The following CPA4 variants were observed in gnomAD, a reference collection of about 807,000 sequenced individuals.
The protein encoded by CPA4 is carboxypeptidase A3.
CPA4 carries 49 observed loss-of-function variants against 54.7 expected under a neutral mutation model. That is an observed-to-expected ratio of 0.90 (90% confidence interval 0.71 to 1.14). The LOEUF (loss-of-function observed/expected upper bound fraction) is 1.14. Ranked by LOEUF, CPA4 falls within the 50% of genes most tolerant of loss-of-function variation. CPA4 has a pLI of 0.00. For synonymous variants in CPA4, 215 were observed against 206.8 expected, an observed-to-expected ratio of 1.04 and a Z score of -0.34; for missense variants, 487 against 525.1, an observed-to-expected ratio of 0.93 and a Z score of 0.71.
At chr7:130,301,617 C>T (rs1793739279) in intron 4 of CPA4, among the ~76,000 whole-genome samples, 1 of 152,114 alleles carries the variant, frequency 6.6e-6, no homozygotes, top group African/African-American at 2.4e-5. Flanking sequence ...TTAGTATTCC[C>T]CCTGGTGTAC....
intron 10 of CPA4, among the ~76,000 whole-genome samples, chr7:130,315,109 G>C (rs552663114): frequency 1.3e-5 from 2 of 151,702 alleles, no homozygotes; most frequent in African/African-American, 2.4e-5. Context: ...TAGGTGTGAG[G>C]GGGGGAATTG....
intron 4 of CPA4, among the ~76,000 whole-genome samples, chr7:130,303,731 C>T (rs1009026084): frequency 6.6e-6 from 1 of 151,582 alleles, no homozygotes; most frequent in Non-Finnish European, 1.5e-5. Flanking sequence ...CAGGCTTGAA[C>T]AATTCTCCCA....
intron 1 of CPA4, among the ~76,000 whole-genome samples, chr7:130,296,263 G>A (rs1173866357): frequency 2.0e-5 from 3 of 152,142 alleles, no homozygotes; most frequent in Non-Finnish European, 4.4e-5. Flanking sequence ...CAGATGGAAC[G>A]GGCTTCACTC....
chr7:130,304,468 C>G lies in CPA4; in HGVS notation c.385-10C>G. 1 of 1,549,936 alleles carries G rather than the reference C, an allele frequency of 6.5e-7. No homozygotes were observed. The highest frequency in any genetic ancestry group is 1.4e-5 in the African/African-American group (1 of 73,810). The stretch of plus-strand genomic sequence containing the variant: ...TAAAATGTCCCTGGATTCACTCTTT[C>G]ATGCTTCAGATTTACCACGAGATGG... On this transcript the variant is annotated splice_polypyrimidine_tract_variant and intron_variant, in intron 4 of 10. Coordinates refer to ENST00000222482, the MANE Select transcript of CPA4 (RefSeq NM_016352.4).
intron 4 of CPA4, among the ~76,000 whole-genome samples, chr7:130,301,952 G>A (rs574170695): frequency 2.2e-4 from 34 of 152,246 alleles, no homozygotes; most frequent in Non-Finnish European, 4.7e-4. Context: ...TGGGGCCCTC[G>A]CCAGCTGAGC....
At chr7:130,307,504 T>A (rs6467296) in intron 7 of CPA4, among the ~76,000 whole-genome samples, 1 of 151,474 alleles carries the variant, frequency 6.6e-6, no homozygotes, top group Admixed American at 6.6e-5. Flanking sequence ...TGGTGGTGGG[T>A]GCCTGTAGTC....
intron 4 of CPA4, among the ~76,000 whole-genome samples, chr7:130,303,777 C>T (rs1418241658): frequency 3.4e-5 from 5 of 148,194 alleles, no homozygotes; most frequent in African/African-American, 1.2e-4. Flanking sequence ...CACAGATACA[C>T]GCCACCGCAG....
intron 4 of CPA4, among the ~76,000 whole-genome samples, chr7:130,301,402 T>C (rs1439880016): frequency 6.6e-6 from 1 of 152,230 alleles, no homozygotes; most frequent in Non-Finnish European, 1.5e-5. Flanking sequence ...CCACTTGATA[T>C]AGATGGCTGA....
In CPA4 at chr7:130,306,530, G is replaced by A. The variant is rs192476193; in HGVS notation, c.592-257G>A. 7.0e-4 allele frequency among the ~76,000 whole-genome samples: 107 copies of A among 152,266 alleles called. 2 individuals carry two copies. The highest frequency in any genetic ancestry group is 3.7e-4 in the Non-Finnish European group (25 of 68,020). On this transcript the variant is annotated intron_variant, in intron 6 of 10. Coordinates refer to ENST00000222482, the MANE Select transcript of CPA4 (RefSeq NM_016352.4). ...CTCCTGGAAGGAAGGAATAAAGCAC[G>A]TACCCCAGGACTCACTGCAGTTGAT...
rs1397563337 is a variant in CPA4 at position 130,323,937 on chromosome 7, T to TGTGTGTGTGTGTGTG, written c.*1261_*1262insGTGTGTGTGTGTGTG. ...TGTGTGTGTGTGTGTGTGTGTGTGT[T>TGTGTGTGTGTGTGTG]TGTGTGTGTGTGTCTGTCTATTTTG... is the stretch of plus-strand genomic sequence containing the variant. On this transcript the variant is annotated 3_prime_UTR_variant, in exon 11 of 11. Transcript: ENST00000222482. 2.0e-5 allele frequency: 2 copies of TGTGTGTGTGTGTGTG among 98,098 alleles called. No homozygotes were observed. The highest frequency in any genetic ancestry group is 4.5e-5 in the Non-Finnish European group (2 of 44,542). The allele number at this position is 98,098 out of a possible 1,614,324, so 6.1% of individuals were successfully genotyped here.
chr7:130,298,651 TG>T (rs1426591386), intron 1 of CPA4, 94 bp from the exon 2 acceptor site: 24 of 739,802 alleles, frequency 3.2e-5, no homozygotes, highest in Non-Finnish European at 5.3e-5. Context: ...TCTTTTGGCC[TG>T]GTTACGTCTG....
In CPA4 at chr7:130,310,340, C is replaced by T. The variant is rs980940459; in HGVS notation, c.794-447C>T. On this transcript the variant is annotated intron_variant, in intron 8 of 10. Coordinates refer to ENST00000222482, the MANE Select transcript of CPA4 (RefSeq NM_016352.4). The surrounding 1 kb of genome is among the most constrained non-coding windows in gnomAD (Gnocchi z 4.3). ...ATACAGAAGGCAGTGTTTCTAAATA[C>T]CTGTCAAATAATCAAGAGATTTTAG... Among the ~76,000 whole-genome samples, 1 of 152,164 alleles carries T rather than the reference C, an allele frequency of 6.6e-6. No individual in the cohort carries two copies. The highest frequency in any genetic ancestry group is 1.9e-4 in the East Asian group (1 of 5,204).
At chr7:130,296,673 C>A (rs2117130175) in intron 1 of CPA4, among the ~76,000 whole-genome samples, 1 of 126,006 alleles carries the variant, frequency 7.9e-6, no homozygotes, top group East Asian at 2.4e-4. Flanking sequence ...CTAGCAGCTC[C>A]CCTCACTTTT....
intron 9 of CPA4, 114 bp from the exon 10 acceptor site, chr7:130,311,924 G>C: frequency 1.3e-6 from 1 of 769,026 alleles, no homozygotes; most frequent in South Asian, 1.6e-5. Context: ...CAAGGGACCA[G>C]AAAGGAAATC....
intron 10 of CPA4, among the ~76,000 whole-genome samples, chr7:130,315,108 G>T (rs1026748121): frequency 1.6e-4 from 24 of 151,728 alleles, no homozygotes; most frequent in African/African-American, 5.3e-4. Flanking sequence ...TTAGGTGTGA[G>T]GGGGGGAATT....
intron 1 of CPA4, among the ~76,000 whole-genome samples, chr7:130,296,656 G>C (rs1793652610): frequency 7.6e-6 from 1 of 131,428 alleles, no homozygotes; most frequent in Non-Finnish European, 1.6e-5. Flanking sequence ...CACCACACAA[G>C]ATCTTTCTAG....
At chr7:130,307,224 A>G (rs1793835886) in intron 7 of CPA4, among the ~76,000 whole-genome samples, 1 of 149,290 alleles carries the variant, frequency 6.7e-6, no homozygotes, top group Non-Finnish European at 1.5e-5. Context: ...TTTAGTACGC[A>G]TCTCTAACTG....
At position 130,323,690 on chromosome 7, in the gene CPA4, G is replaced by A. The variant is rs1328538566; in HGVS notation, c.*1014G>A. 3 of 152,266 alleles carry A rather than the reference G, an allele frequency of 2.0e-5. No homozygotes were observed. Among genetic ancestry groups the A allele is most frequent in the African/African-American group, 7.2e-5 (3 of 41,552 alleles). 9.4% of individuals were successfully genotyped at this position (152,266 alleles called of 1,614,324 possible). A position where few individuals can be genotyped will look rare whatever the true frequency, so the allele number is the denominator to read the frequency against. ...GTAGGTACTGTGCCCAGGAAGGCTGGGTGAAGTGACCATCTAAATTGCAGG... is the reference window on the plus strand; with the variant it reads ...GTAGGTACTGTGCCCAGGAAGGCTGAGTGAAGTGACCATCTAAATTGCAGG... On this transcript the variant is annotated 3_prime_UTR_variant, in exon 11 of 11. Transcript: ENST00000222482.
intron 4 of CPA4, among the ~76,000 whole-genome samples, chr7:130,301,911 G>T (rs2117138055): frequency 6.6e-6 from 1 of 152,296 alleles, no homozygotes; most frequent in Middle Eastern, 3.4e-3. Flanking sequence ...CCCACACAGG[G>T]ATCAAGCCCA....
Sources: allele counts gnomAD v4.1 joint callset (sites outside exome capture counted in the v4.1 genomes callset), GRCh38; gene constraint gnomAD v4.1.1; non-coding constraint Gnocchi (gnomAD v3.1); transcripts MANE v1.5; gene names NCBI Gene and HGNC (gene_info 2026-07-23, HGNC 2026-07-21).